The following FASTKD1 variants were observed in gnomAD, a reference collection of about 807,000 sequenced individuals.
FASTKD1 encodes FAST kinase domain-containing protein 1, mitochondrial.
Under a neutral mutation model 90.9 loss-of-function variants are expected in FASTKD1, and 94 were observed. That is an observed-to-expected ratio of 1.03 (90% CI 0.88 to 1.23). FASTKD1 has a LOEUF of 1.23. Among genes scored for constraint, FASTKD1 ranks in the 50% most tolerant of loss-of-function variants. The probability of loss-of-function intolerance (pLI) is 0.00; values close to 1 mark genes in which losing one functional copy is unlikely to be tolerated. For missense variants in FASTKD1, 945 were observed against 993.5 expected (o/e 0.95, Z 0.66); for synonymous variants, 319 against 345.8 (o/e 0.92, Z 0.86).
intron 3 of FASTKD1, among the ~76,000 whole-genome samples, chr2:169,567,362 T>C (rs1684035254): frequency 6.6e-6 from 1 of 152,172 alleles, no homozygotes; most frequent in African/African-American, 2.4e-5. Flanking sequence ...TGACCTATTA[T>C]CAACAAATCT....
intron 12 of FASTKD1, among the ~76,000 whole-genome samples, chr2:169,535,872 A>G (rs1372515961): frequency 6.6e-6 from 1 of 152,192 alleles, no homozygotes; most frequent in Admixed American, 6.5e-5. Context: ...CATCTTTGAG[A>G]TAGAGATATC....
intron 2 of FASTKD1, among the ~76,000 whole-genome samples, chr2:169,569,481 C>T (rs922352849): frequency 2.2e-4 from 34 of 152,244 alleles, no homozygotes; most frequent in African/African-American, 8.2e-4. Flanking sequence ...TATTTCAATA[C>T]CCATGCTACT....
At chr2:169,564,472 T>C (rs2105427679) in intron 3 of FASTKD1, among the ~76,000 whole-genome samples, 1 of 152,236 alleles carries the variant, frequency 6.6e-6, no homozygotes, top group South Asian at 2.1e-4. Context: ...CATATATTTA[T>C]GGGGTACATG....
At position 169,546,404 on chromosome 2, in the gene FASTKD1, T is replaced by C. The variant is rs1685198034; in HGVS notation, c.1515A>G (p.Lys505=). ...NSLDLLRKEL[K]SLKGNTFPES... ...CAGGAAACGTGTTTCCTTTGAGAGA[T>C]TTAAGTTCCTTCCGTAACAGATCCA... Residue 505 remains lysine (K), a synonymous_variant, in exon 8 of 15, where the codon AAA becomes AAG. Transcript: ENST00000453153. 1 of 1,614,170 alleles carries C rather than the reference T, an allele frequency of 6.2e-7. No homozygotes were observed. Among genetic ancestry groups the C allele is most frequent in the Non-Finnish European group, 8.5e-7 (1 of 1,180,014 alleles).
At chr2:169,573,177 G>C (rs78148435) in intron 1 of FASTKD1, 1 of 152,086 alleles carries the variant, frequency 6.6e-6, no homozygotes, top group African/African-American at 2.4e-5. Context: ...CCCTCTCTAC[G>C]GCTATGCCAA....
At chr2:169,544,145 T>A (rs1685078882) in intron 9 of FASTKD1, among the ~76,000 whole-genome samples, 2 of 151,654 alleles carry the variant, frequency 1.3e-5, no homozygotes, top group African/African-American at 4.8e-5. Context: ...AATAAGAGAG[T>A]CAGAGAAACA....
chr2:169,556,174 T>C (rs901059072), intron 6 of FASTKD1, among the ~76,000 whole-genome samples: 2 of 152,066 alleles, frequency 1.3e-5, no homozygotes, highest in Non-Finnish European at 2.9e-5. Flanking sequence ...ATTTCTACTT[T>C]GAAAAACAAA....
At chr2:169,545,716 AAAAAT>A in intron 8 of FASTKD1, among the ~76,000 whole-genome samples, 1 of 152,372 alleles carries the variant, frequency 6.6e-6, no homozygotes, top group South Asian at 2.1e-4. Context: ...TTTAAATGGT[AAAAAT>A]AATACCACAC....
At chr2:169,552,754 T>A (rs1023243101) in intron 7 of FASTKD1, among the ~76,000 whole-genome samples, 1 of 151,016 alleles carries the variant, frequency 6.6e-6, no homozygotes, top group Non-Finnish European at 1.5e-5. Flanking sequence ...AAAAGGGAGG[T>A]TGGTAGGCAA....
At chr2:169,550,187 G>A (rs995681341) in intron 7 of FASTKD1, among the ~76,000 whole-genome samples, 1 of 151,972 alleles carries the variant, frequency 6.6e-6, no homozygotes, top group Non-Finnish European at 1.5e-5. Context: ...TTTTTACATG[G>A]CTAAAATGTG....
chr2:169,540,443 A>C (rs560279073), intron 9 of FASTKD1, among the ~76,000 whole-genome samples: 69 of 152,342 alleles, frequency 4.5e-4, no homozygotes, highest in African/African-American at 1.5e-3. Context: ...TTCAATTTGA[A>C]TAAATTCACA....
intron 5 of FASTKD1, among the ~76,000 whole-genome samples, chr2:169,557,746 G>C (rs1683388311): frequency 6.6e-6 from 1 of 152,108 alleles, no homozygotes; most frequent in Non-Finnish European, 1.5e-5. Context: ...CATATACTAA[G>C]CACTTGATAT....
chr2:169,551,668 G>T (rs1351196609), intron 7 of FASTKD1, among the ~76,000 whole-genome samples: 2 of 152,068 alleles, frequency 1.3e-5, no homozygotes, highest in Non-Finnish European at 2.9e-5. Flanking sequence ...GTGGTAGCAC[G>T]TGCCTGTAGT....
chr2:169,561,286 G>GA (rs879933309), intron 4 of FASTKD1, among the ~76,000 whole-genome samples: 37 of 136,182 alleles, frequency 2.7e-4, no homozygotes, highest in South Asian at 2.3e-4. Context: ...CATCTCAAAA[G>GA]AAAAAAAAAA....
At chr2:169,559,943 G>T (rs983052670) in intron 5 of FASTKD1, among the ~76,000 whole-genome samples, 1 of 152,174 alleles carries the variant, frequency 6.6e-6, no homozygotes. Flanking sequence ...GCTCAAACCT[G>T]ACATGGGAAC....
chr2:169,538,158 A>G lies in FASTKD1; in HGVS notation c.1946-17T>C, dbSNP rs1278114079. The G allele has an allele frequency of 6.3e-7, 1 of 1,581,906 alleles. No homozygotes were observed. The highest frequency in any genetic ancestry group is 8.5e-7 in the Non-Finnish European group (1 of 1,169,754). ...GAGATAAAACTGAAATTAATAAAATACTAATGAATTTTGATAGCTGAGACC... is the reference window on the plus strand; with the variant it reads ...GAGATAAAACTGAAATTAATAAAATGCTAATGAATTTTGATAGCTGAGACC... On this transcript the variant is annotated splice_polypyrimidine_tract_variant and intron_variant, in intron 10 of 14. Transcript: ENST00000453153.
At chr2:169,547,301 C>T (rs562535095) in intron 7 of FASTKD1, among the ~76,000 whole-genome samples, 6 of 152,340 alleles carry the variant, frequency 3.9e-5, no homozygotes, top group East Asian at 3.9e-4. Context: ...TTCGGCTATC[C>T]GGAAGCAGTC....
In FASTKD1 at chr2:169,546,690, C is replaced by A. The variant is rs192689045; in HGVS notation, c.1229G>T (p.Ser410Ile). Reference protein sequence around the residue: ...RELLLSYLKNSFIPTEVSVLV... With the variant: ...RELLLSYLKNIFIPTEVSVLV... ...AACAGACACCTCAGTTGGTATGAAA[C>A]TATTTTTCAAATAACTGCAAAATGA... The change falls in exon 8 of 15, where the codon AGT (serine) becomes ATT (isoleucine). Residue 410 changes from serine (S) to isoleucine (I), a missense_variant. Transcript: ENST00000453153. The A allele has an allele frequency of 8.8e-6, 14 of 1,593,454 alleles. No homozygotes were observed. In the East Asian group the frequency reaches 9.0e-5, roughly 10 times the overall value.
At chr2:169,572,862 G>A (rs1684293760) in intron 1 of FASTKD1, 1 of 152,058 alleles carries the variant, frequency 6.6e-6, no homozygotes, top group Admixed American at 6.5e-5. Context: ...TGCTATAAAT[G>A]TTTACATTTA....
Sources: gnomAD v4.1 joint callset for allele counts (sites outside exome capture counted in the v4.1 genomes callset) on GRCh38, gnomAD v4.1.1 for gene constraint, MANE v1.5 for transcripts, NCBI Gene and HGNC (gene_info 2026-07-23, HGNC 2026-07-21) for gene names.